The following CNTNAP2 variants were observed in gnomAD, a reference collection of about 807,000 sequenced individuals.
The protein encoded by CNTNAP2 is contactin associated protein 2, also known as contactin-associated protein-like 2.
A neutral mutation model predicts 155.2 loss-of-function variants in CNTNAP2; 98 were observed. The observed-to-expected ratio is 0.63, with a 90% CI of 0.54 to 0.75. CNTNAP2 has a LOEUF of 0.75. CNTNAP2 is among the 30% of genes least tolerant of loss of function. CNTNAP2 has a pLI of 0.00. For missense variants in CNTNAP2, 1,727 were observed against 1,688.1 expected, an observed-to-expected ratio of 1.02 and a Z score of -0.40; for synonymous variants, 651 against 631.2, an observed-to-expected ratio of 1.03 and a Z score of -0.47.
chr7:146,640,451 C>T (rs1045033217), intron 1 of CNTNAP2, among the ~76,000 whole-genome samples: 3 of 152,144 alleles, frequency 2.0e-5, no homozygotes, highest in Non-Finnish European at 4.4e-5. Context: ...GTGAATTAGC[C>T]TGATGCCTCA....
At chr7:146,646,460 CAG>C (rs1223392307) in intron 1 of CNTNAP2, among the ~76,000 whole-genome samples, 1 of 151,928 alleles carries the variant, frequency 6.6e-6, no homozygotes, top group African/African-American at 2.4e-5. Flanking sequence ...TATATAGTAA[CAG>C]TAATGTATAA....
At chr7:146,841,220 G>A (rs951197770) in intron 3 of CNTNAP2, among the ~76,000 whole-genome samples, 3 of 152,162 alleles carry the variant, frequency 2.0e-5, no homozygotes, top group East Asian at 1.9e-4. Context: ...AGTGAACACC[G>A]AATACATAGT....
At chr7:146,392,529 A>C (rs2129106794) in intron 1 of CNTNAP2, among the ~76,000 whole-genome samples, 1 of 152,330 alleles carries the variant, frequency 6.6e-6, no homozygotes, top group Non-Finnish European at 1.5e-5. Flanking sequence ...AGCACAGAGA[A>C]AGAAAGTGGA....
chr7:147,187,870 G>T (rs1454702571), intron 8 of CNTNAP2, among the ~76,000 whole-genome samples: 1 of 152,114 alleles, frequency 6.6e-6, no homozygotes, highest in Non-Finnish European at 1.5e-5. Context: ...GATCAGCCTG[G>T]GCCACATGGT....
At chr7:146,403,549 A>G (rs1436070892) in intron 1 of CNTNAP2, among the ~76,000 whole-genome samples, 2 of 151,896 alleles carry the variant, frequency 1.3e-5, no homozygotes, top group Non-Finnish European at 2.9e-5. Flanking sequence ...TTTTGGGGGG[A>G]AAAGTTGATC....
intron 3 of CNTNAP2, among the ~76,000 whole-genome samples, chr7:147,015,475 A>T (rs1164587039): frequency 6.6e-6 from 1 of 152,106 alleles, no homozygotes; most frequent in Non-Finnish European, 1.5e-5. Flanking sequence ...TGAAAACACC[A>T]TGCCCTATAA....
chr7:147,138,958 C>A (rs1801544324), intron 8 of CNTNAP2, among the ~76,000 whole-genome samples: 1 of 151,204 alleles, frequency 6.6e-6, no homozygotes, highest in African/African-American at 2.4e-5. Context: ...GTTTACTGTA[C>A]AAATAAATCG....
intron 1 of CNTNAP2, among the ~76,000 whole-genome samples, chr7:146,440,245 A>T (rs1014550944): frequency 1.3e-5 from 2 of 151,742 alleles, no homozygotes; most frequent in African/African-American, 4.9e-5. Context: ...AGTAGTAAGA[A>T]ACTTAGTGGA....
At position 148,147,791 on chromosome 7, in the gene CNTNAP2, C is replaced by A. The variant is rs536948473; in HGVS notation, c.2773+82C>A. On this transcript the variant is annotated intron_variant, in intron 17 of 23. Transcript: ENST00000361727. Reference sequence around the variant, plus strand: ...AATACAAAAAAAAAAAAAAATCAGCCTATGCAAGGTTTGATATAGAGATCC... The same window carrying A: ...AATACAAAAAAAAAAAAAAATCAGCATATGCAAGGTTTGATATAGAGATCC... The A allele has an allele frequency of 6.1e-6, 8 of 1,317,066 alleles. No homozygotes were observed. The East Asian group carries it at 1.9e-4, about 32-fold the overall frequency. 81.6% of individuals were successfully genotyped at this position (1,317,066 alleles called of 1,614,324 possible). A position where few individuals can be genotyped will look rare whatever the true frequency, so the allele number is the denominator to read the frequency against.
intron 1 of CNTNAP2, among the ~76,000 whole-genome samples, chr7:146,767,127 T>C (rs1488150808): frequency 2.6e-5 from 4 of 152,180 alleles, no homozygotes; most frequent in Non-Finnish European, 5.9e-5. Flanking sequence ...TTCTGTTTGA[T>C]AAGTTCTTTT....
intron 10 of CNTNAP2, among the ~76,000 whole-genome samples, chr7:147,451,589 A>G (rs911780752): frequency 1.3e-5 from 2 of 152,138 alleles, no homozygotes; most frequent in Non-Finnish European, 2.9e-5. Flanking sequence ...TCACGTAGCT[A>G]GAAACATACT....
At chr7:147,867,092 G>C (rs1401135052) in intron 13 of CNTNAP2, among the ~76,000 whole-genome samples, 1 of 152,160 alleles carries the variant, frequency 6.6e-6, no homozygotes, top group Admixed American at 6.5e-5. Flanking sequence ...GATACCGGTT[G>C]TTTCTTTCCA....
chr7:147,958,986 T>A (rs1801071199), intron 14 of CNTNAP2, among the ~76,000 whole-genome samples: 2 of 152,168 alleles, frequency 1.3e-5, no homozygotes, highest in South Asian at 4.1e-4. Flanking sequence ...ACACTGAACA[T>A]AACTCTATAC....
intron 1 of CNTNAP2, among the ~76,000 whole-genome samples, chr7:146,523,096 T>C (rs1293998100): frequency 1.3e-5 from 2 of 152,060 alleles, no homozygotes; most frequent in Admixed American, 1.3e-4. Flanking sequence ...ACCCATCACC[T>C]GAGCAGTATA....
At chr7:148,263,367 G>A (rs550277986) in intron 20 of CNTNAP2, 1 of 152,060 alleles carries the variant, frequency 6.6e-6, no homozygotes, top group East Asian at 1.9e-4. Context: ...AAACCGAGCA[G>A]GATCACCGAG....
chr7:146,999,435 A>G (rs1484115790), intron 3 of CNTNAP2, among the ~76,000 whole-genome samples: 1 of 151,980 alleles, frequency 6.6e-6, no homozygotes, highest in African/African-American at 2.4e-5. Context: ...TGGTTGCTAC[A>G]CCATCATAGA....
chr7:146,896,206 A>G (rs929336189), intron 3 of CNTNAP2, among the ~76,000 whole-genome samples: 2 of 152,124 alleles, frequency 1.3e-5, no homozygotes, highest in African/African-American at 2.4e-5. Flanking sequence ...ACCTCATCTT[A>G]GTTTTGCTAT....
At chr7:146,371,261 C>T (rs966191102) in intron 1 of CNTNAP2, among the ~76,000 whole-genome samples, 11 of 151,558 alleles carry the variant, frequency 7.3e-5, no homozygotes, top group African/African-American at 2.7e-4. Flanking sequence ...ACTTTAACAA[C>T]ATACAGTGTT....
At chr7:147,488,464 A>T (rs867901075) in intron 11 of CNTNAP2, among the ~76,000 whole-genome samples, 1 of 152,238 alleles carries the variant, frequency 6.6e-6, no homozygotes, top group African/African-American at 2.4e-5. Context: ...TGTAAGTAAC[A>T]TAAAATATTT....
Sources: allele counts gnomAD v4.1 joint callset (sites outside exome capture counted in the v4.1 genomes callset), GRCh38; gene constraint gnomAD v4.1.1; transcripts MANE v1.5; gene names NCBI Gene and HGNC (gene_info 2026-07-23, HGNC 2026-07-21).